Variants in NAV3 observed in about 807,000 individuals in gnomAD.
The protein encoded by NAV3 is neuron navigator 3.
In NAV3, 87 loss-of-function variants were observed where a neutral mutation model predicts 244.7. That is an observed-to-expected ratio of 0.36 (90% confidence interval 0.30 to 0.42). The LOEUF (loss-of-function observed/expected upper bound fraction) is 0.42. Ranked by LOEUF, NAV3 falls within the 20% of genes least tolerant of loss-of-function variation. The pLI, the probability that NAV3 is intolerant of heterozygous loss-of-function variation, is 1.00. For missense variants in NAV3, 2,663 were observed against 2,893.3 expected (o/e 0.92, Z 1.83); for synonymous variants, 1,126 against 1,042.2 (o/e 1.08, Z -1.55).
chr12:77,866,791 G>A (rs1880107127), intron 1 of NAV3, among the ~76,000 whole-genome samples: 1 of 152,162 alleles, frequency 6.6e-6, no homozygotes, highest in African/African-American at 2.4e-5. Flanking sequence ...TCCAATCAAA[G>A]CTTAGATCTA....
chr12:77,858,933 G>C (rs1312501140), intron 1 of NAV3, among the ~76,000 whole-genome samples: 11 of 152,088 alleles, frequency 7.2e-5, no homozygotes, highest in Admixed American at 4.6e-4. Flanking sequence ...TACTGAGGGA[G>C]ATGCAAAGTT....
intron 12 of NAV3, among the ~76,000 whole-genome samples, chr12:78,067,609 C>G (rs1440520573): frequency 2.6e-5 from 4 of 152,052 alleles, no homozygotes; most frequent in Admixed American, 2.6e-4. Context: ...AACCTACTCT[C>G]TGCCAATCAC....
intron 2 of NAV3, among the ~76,000 whole-genome samples, chr12:77,796,980 A>G (rs1178606359): frequency 6.6e-6 from 1 of 152,138 alleles, no homozygotes; most frequent in Non-Finnish European, 1.5e-5. Flanking sequence ...TGGACTTGAA[A>G]TGAATTCTCA....
rs149230125 is a variant in NAV3 at position 78,122,563 on chromosome 12, C to A, written c.4238+135C>A. 9,931 of 1,097,416 alleles carry A rather than the reference C, an allele frequency of 9.0e-3. 80 individuals are homozygous for A. Among genetic ancestry groups the A allele is most frequent in the South Asian group, 0.019 (1,001 of 54,058 alleles). The allele number at this position is 1,097,416 out of a possible 1,614,324, so 68.0% of individuals were successfully genotyped here. A position where few individuals can be genotyped will look rare whatever the true frequency, so the allele number is the denominator to read the frequency against. On this transcript the variant is annotated intron_variant, in intron 16 of 39. Coordinates refer to ENST00000397909, the MANE Select transcript of NAV3 (RefSeq NM_001024383.2). ...AAGATGTAAGACTGATGAAACCGGG[C>A]CTTTCATTTGCTCTCATTACCAAAT...
At chr12:77,869,975 C>A (rs1880690372) in intron 1 of NAV3, among the ~76,000 whole-genome samples, 1 of 152,144 alleles carries the variant, frequency 6.6e-6, no homozygotes, top group African/African-American at 2.4e-5. Context: ...AACACATGCT[C>A]TTTTGTTGTT....
intron 23 of NAV3, among the ~76,000 whole-genome samples, chr12:78,161,042 AG>A (rs1309711252): frequency 4.6e-5 from 7 of 152,172 alleles, no homozygotes; most frequent in African/African-American, 1.2e-4. Flanking sequence ...TAGAATTAGA[AG>A]GCTTTTTAGA....
chr12:77,907,586 G>A (rs141671665), intron 1 of NAV3, among the ~76,000 whole-genome samples: 15 of 152,174 alleles, frequency 9.9e-5, no homozygotes, highest in African/African-American at 3.4e-4. Flanking sequence ...TCAACCAAAC[G>A]TTAACTTTAG....
chr12:77,604,514 A>G (rs1455685720), intron 2 of NAV3, among the ~76,000 whole-genome samples: 3 of 152,068 alleles, frequency 2.0e-5, no homozygotes, highest in Admixed American at 6.6e-5. Context: ...TATTTTATAT[A>G]TAAGTAATTA....
chr12:77,881,531 G>C (rs886885077), intron 1 of NAV3, among the ~76,000 whole-genome samples: 8 of 152,100 alleles, frequency 5.3e-5, no homozygotes, highest in African/African-American at 2.4e-5. Context: ...AGACAAGGAT[G>C]CCCACTCTCA....
intron 2 of NAV3, among the ~76,000 whole-genome samples, chr12:77,681,423 A>T (rs1394282361): frequency 6.6e-6 from 1 of 152,198 alleles, no homozygotes; most frequent in African/African-American, 2.4e-5. Flanking sequence ...ATGGTAAAAG[A>T]GCATCAAAGC....
chr12:78,093,770 A>T (rs1954090210), intron 12 of NAV3, among the ~76,000 whole-genome samples: 1 of 152,180 alleles, frequency 6.6e-6, no homozygotes, highest in Non-Finnish European at 1.5e-5. Flanking sequence ...AATTTAGAAA[A>T]TATATTAATC....
rs2138686067 is a variant in NAV3 at position 78,122,073 on chromosome 12, A to G, written c.3883A>G (p.Thr1295Ala). Residue 1295 changes from threonine to alanine, a missense_variant, in exon 16 of 40, where the codon ACG becomes GCG. Transcript: ENST00000397909. ...CAGTCTGGAGTCACCGTCGTCCGGT[A>G]CGGGCAGCATGGGCAGTGCTGGTGG... ...QGSLESPSSG[T>A]GSMGSAGGLS... 2 of 1,614,202 alleles carry G rather than the reference A, an allele frequency of 1.2e-6. No individual in the cohort carries two copies. Among genetic ancestry groups the G allele is most frequent in the Admixed American group, 3.3e-5 (2 of 60,024 alleles).
chr12:77,648,984 A>G (rs1246294748), intron 2 of NAV3, among the ~76,000 whole-genome samples: 1 of 152,132 alleles, frequency 6.6e-6, no homozygotes, highest in Non-Finnish European at 1.5e-5. Context: ...AATCAGTCTT[A>G]GGAGATCTGC....
At position 78,050,940 on chromosome 12, in the gene NAV3, G is replaced by T. The variant is rs759179498; in HGVS notation, c.2309G>T (p.Arg770Leu). ...GAGYPRSGTSRFIHTDPSRFM... is the reference protein window; with the variant it reads ...GAGYPRSGTSLFIHTDPSRFM... ...GGCTATCCTCGCAGTGGTACCAGTC[G>T]ATTCATCCACACAGACCCCTCGAGG... is the stretch of plus-strand genomic sequence containing the variant. Residue 770 changes from arginine to leucine, a missense_variant, in exon 11 of 40, where the codon CGA becomes CTA. Coordinates refer to ENST00000397909, the MANE Select transcript of NAV3 (RefSeq NM_001024383.2). 1 of 1,613,958 alleles carries T rather than the reference G, an allele frequency of 6.2e-7. No homozygotes were observed. Among genetic ancestry groups the T allele is most frequent in the African/African-American group, 1.3e-5 (1 of 74,994 alleles).
intron 11 of NAV3, 49 bp from the exon 12 acceptor site, chr12:78,058,947 A>G (rs1420242755): frequency 4.0e-6 from 6 of 1,516,216 alleles, no homozygotes; most frequent in Middle Eastern, 1.7e-4. Context: ...TAAATTGTAC[A>G]GTTGAGTTGA....
intron 2 of NAV3, among the ~76,000 whole-genome samples, chr12:77,587,153 A>AT (rs1185191174): frequency 6.6e-6 from 1 of 152,174 alleles, no homozygotes; most frequent in African/African-American, 2.4e-5. Flanking sequence ...ATCATAAATT[A>AT]TTATCTATAA....
intron 4 of NAV3, among the ~76,000 whole-genome samples, chr12:77,967,282 A>T (rs1170567929): frequency 1.3e-5 from 2 of 152,110 alleles, no homozygotes; most frequent in Non-Finnish European, 2.9e-5. Flanking sequence ...AAATTAGTTA[A>T]ACATGCAAAA....
chr12:78,023,628 A>G (rs961868731), intron 9 of NAV3, among the ~76,000 whole-genome samples: 13 of 152,166 alleles, frequency 8.5e-5, no homozygotes, highest in African/African-American at 2.9e-4. Context: ...GATAGTGAAA[A>G]TGTCTCTCGT....
intron 3 of NAV3, among the ~76,000 whole-genome samples, chr12:77,956,357 G>A (rs368532356): frequency 1.3e-5 from 2 of 152,138 alleles, no homozygotes; most frequent in Non-Finnish European, 2.9e-5. Flanking sequence ...AATATCCAAA[G>A]TTAGGATTGG....
Sources: gnomAD v4.1 joint callset for allele counts (sites outside exome capture counted in the v4.1 genomes callset) on GRCh38, gnomAD v4.1.1 for gene constraint, MANE v1.5 for transcripts, NCBI Gene and HGNC (gene_info 2026-07-23, HGNC 2026-07-21) for gene names.